PSMC2: variants seen among roughly 807,000 people sequenced by gnomAD.
The protein encoded by PSMC2 is 26S proteasome regulatory subunit 7.
PSMC2 carries 7 observed loss-of-function variants against 53.3 expected under a neutral mutation model. That is an observed-to-expected ratio of 0.13 (90% CI 0.07 to 0.25). The LOEUF (loss-of-function observed/expected upper bound fraction) is 0.25, where lower values mean the gene tolerates loss of function less well. PSMC2 is among the 10% of genes least tolerant of loss of function. PSMC2 has a pLI of 1.00. For missense variants in PSMC2, 241 were observed against 544.0 expected (o/e 0.44, Z 5.54); for synonymous variants, 169 against 183.9 (o/e 0.92, Z 0.66).
chr7:103,361,254 C>G (rs565141685), intron 4 of PSMC2, among the ~76,000 whole-genome samples: 1 of 151,114 alleles, frequency 6.6e-6, no homozygotes, highest in South Asian at 2.1e-4. Flanking sequence ...GAAGCTGAGG[C>G]GGGCGGATCA....
rs1024840861 is a variant in PSMC2 at position 103,354,386 on chromosome 7, G to A, written c.108+428G>A. Among the ~76,000 whole-genome samples, 10 of 57,160 alleles carry A rather than the reference G, an allele frequency of 1.7e-4. No individual in the cohort carries two copies. The East Asian group carries it at 4.9e-3, about 28-fold the overall frequency. 37.5% of individuals were successfully genotyped at this position (57,160 alleles called of 152,430 possible). On this transcript the variant is annotated intron_variant, in intron 2 of 11. Transcript: ENST00000292644. The stretch of plus-strand genomic sequence containing the variant: ...CACGATTTTTTTTTTTTTTTTTTTT[G>A]AAACGGAGTGTTGCTCTTGTCACCC...
At position 103,355,495 on chromosome 7, in the gene PSMC2, G is replaced by A. The variant is rs1277688902; in HGVS notation, c.191-199G>A. Among the ~76,000 whole-genome samples, 3 of 131,024 alleles carry A rather than the reference G, an allele frequency of 2.3e-5. No homozygotes were observed. In the Admixed American group the frequency reaches 2.5e-4, roughly 11 times the overall value. The allele number at this position is 131,024 out of a possible 152,430, so 86.0% of individuals were successfully genotyped here. A position where few individuals can be genotyped will look rare whatever the true frequency, so the allele number is the denominator to read the frequency against. On this transcript the variant is annotated intron_variant, in intron 3 of 11. Transcript: ENST00000292644. Reference sequence around the variant, plus strand: ...GCAATGTCTGGAGACATCCTTGATTGTCATGACTTTGAGAGAGGGTGGTGC... The same window carrying A: ...GCAATGTCTGGAGACATCCTTGATTATCATGACTTTGAGAGAGGGTGGTGC...
chr7:103,352,920 A>G, intron 1 of PSMC2: 1 of 780,960 alleles, frequency 1.3e-6, no homozygotes, highest in Non-Finnish European at 2.4e-6. Context: ...TCATCTCTGT[A>G]TGAAAGCTGA....
chr7:103,361,336 TAAAA>T (rs1170508055), intron 4 of PSMC2, among the ~76,000 whole-genome samples: 2 of 120,826 alleles, frequency 1.7e-5, no homozygotes, highest in African/African-American at 3.1e-5. Flanking sequence ...CCCTCTCTAC[TAAAA>T]AAAAAAAAAA....
chr7:103,353,909 CTCTT>C lies in PSMC2; in HGVS notation c.71-11_71-8del, dbSNP rs1819875630. On this transcript the variant is annotated splice_polypyrimidine_tract_variant and splice_region_variant and intron_variant, in intron 1 of 11. Transcript: ENST00000292644. ...TCTTTTTGAATCTCACGTATTGTCT[CTCTT>C]CTTTCAGCTCTGGATGAGGGGGATA... The C allele has an allele frequency of 6.2e-7, 1 of 1,601,476 alleles. No individual in the cohort carries two copies. The highest frequency in any genetic ancestry group is 1.3e-5 in the African/African-American group (1 of 74,372).
rs755796502 is a variant in PSMC2 at position 103,361,983 on chromosome 7, C to T, written c.317C>T (p.Ser106Leu). The T allele has an allele frequency of 5.6e-6, 9 of 1,613,078 alleles. No individual in the cohort carries two copies. The highest frequency in any genetic ancestry group is 3.3e-5 in the South Asian group (3 of 90,944). The change falls in exon 5 of 12, where the codon TCG (serine) becomes TTG (leucine). Residue 106 changes from serine to leucine, a missense_variant. By Grantham distance (145) the Ser-to-Leu change is moderately radical. Around this residue, in one of 6 missense-constraint regions of PSMC2, gnomAD observed 75 missense variants for 185.1 expected, o/e 0.41. Coordinates refer to ENST00000292644, the MANE Select transcript of PSMC2 (RefSeq NM_002803.4). ...ARCTKIINAD[S>L]EDPKYIINVK... ...TGTACAAAGATAATCAATGCTGATT[C>T]GGAGGACCCAAAATACATTATCAAC... is the stretch of plus-strand genomic sequence containing the variant.
At chr7:103,355,561 C>A in intron 3 of PSMC2, 133 bp from the exon 4 acceptor site, 1 of 610,940 alleles carries the variant, frequency 1.6e-6, no homozygotes, top group Non-Finnish European at 2.9e-6. Context: ...TGCTACTAAA[C>A]AGTCTATAAT....
intron 1 of PSMC2, 46 bp downstream of exon 1, chr7:103,347,827 C>T: frequency 6.2e-7 from 1 of 1,605,296 alleles, no homozygotes. Context: ...GGGACTGGAG[C>T]GGAGCTGCCT....
chr7:103,347,575 G>A (rs1819629489), upstream of PSMC2: 5 of 936,022 alleles, frequency 5.3e-6, no homozygotes, highest in South Asian at 1.4e-5. Flanking sequence ...GGCTCTGTCC[G>A]GACTCTGAAG....
upstream of PSMC2, chr7:103,347,613 C>A (rs528176852): frequency 6.3e-6 from 9 of 1,425,838 alleles, no homozygotes; most frequent in East Asian, 2.1e-4. Context: ...TGTCTGAGCC[C>A]AATTTACTTC....
Position 103,367,606 on chromosome 7 carries a change from C to T in PSMC2, c.1038C>T (p.Pro346=), listed in dbSNP as rs752124743. 8 of 1,613,856 alleles carry T rather than the reference C, an allele frequency of 5.0e-6. No individual in the cohort carries two copies. The East Asian group carries it at 8.9e-5, about 18-fold the overall frequency. ...RLDRKIEFSL[P]DLEGRTHIFK... ...ATAGAAAAATTGAATTTAGCTTGCC[C>T]GATCTAGAGGTAAGAAAACCATTTC... Residue 346 remains proline (P), a synonymous_variant, in exon 10 of 12, where the codon CCC becomes CCT. Coordinates refer to ENST00000292644, the MANE Select transcript of PSMC2 (RefSeq NM_002803.4). The surrounding 1 kb of genome is among the most constrained non-coding windows in gnomAD (Gnocchi z 6.1).
upstream of PSMC2, chr7:103,347,571 G>C: frequency 1.1e-6 from 1 of 903,840 alleles, no homozygotes; most frequent in Admixed American, 2.0e-5. Flanking sequence ...CCAGGGCTCT[G>C]TCCGGACTCT....
At position 103,354,846 on chromosome 7, in the gene PSMC2, T is replaced by G. The variant is rs558595820; in HGVS notation, c.109-22T>G. 24 of 1,532,870 alleles carry G rather than the reference T, an allele frequency of 1.6e-5. No homozygotes were observed. In the South Asian group the frequency reaches 2.2e-4, roughly 14 times the overall value. 95.0% of individuals were successfully genotyped at this position (1,532,870 alleles called of 1,614,324 possible). A position where few individuals can be genotyped will look rare whatever the true frequency, so the allele number is the denominator to read the frequency against. ...ATGGTTGATATCCTGATATTCTAACTAAACTGACCTTCATCACCTAGGGTC... is the reference window on the plus strand; with the variant it reads ...ATGGTTGATATCCTGATATTCTAACGAAACTGACCTTCATCACCTAGGGTC... On this transcript the variant is annotated intron_variant, in intron 2 of 11. Transcript: ENST00000292644.
chr7:103,368,912 A>G lies in PSMC2; in HGVS notation c.*858A>G, dbSNP rs1480569279. ...GTGAGGTATTTTAAAAATAAAGGTT[A>G]TATTAGAATCCTCAACATCTCTTTA... On this transcript the variant is annotated 3_prime_UTR_variant, in exon 12 of 12. Transcript: ENST00000292644. 4.2e-5 allele frequency: 3 copies of G among 71,458 alleles called. No homozygotes were observed. The highest frequency in any genetic ancestry group is 9.6e-5 in the African/African-American group (2 of 20,864). 4.4% of individuals were successfully genotyped at this position (71,458 alleles called of 1,614,324 possible).
chr7:103,359,158 T>TTA (rs1820223543), intron 4 of PSMC2, among the ~76,000 whole-genome samples: 1 of 134,114 alleles, frequency 7.5e-6, no homozygotes, highest in South Asian at 2.5e-4. Flanking sequence ...TTTTTTTTTT[T>TTA]TTTTTTTTTT....
intron 1 of PSMC2, chr7:103,353,039 A>G (rs945075689): frequency 7.8e-6 from 6 of 768,262 alleles, no homozygotes; most frequent in East Asian, 2.5e-5. Context: ...GGGGATTACA[A>G]ATAAATTTGA....
intron 8 of PSMC2, 67 bp from the exon 9 acceptor site, chr7:103,366,009 T>C: frequency 7.9e-7 from 1 of 1,272,870 alleles, no homozygotes. Context: ...GTTTGAAGCA[T>C]AACTTTTTAC....
chr7:103,353,812 A>G lies in PSMC2; in HGVS notation c.71-109A>G, dbSNP rs1819867422. The G allele has an allele frequency of 2.7e-5, 24 of 895,920 alleles. No homozygotes were observed. In the South Asian group the frequency reaches 3.2e-4, roughly 12 times the overall value. The allele number at this position is 895,920 out of a possible 1,614,324, so 55.5% of individuals were successfully genotyped here. On this transcript the variant is annotated intron_variant, in intron 1 of 11. Coordinates refer to ENST00000292644, the MANE Select transcript of PSMC2 (RefSeq NM_002803.4). The stretch of plus-strand genomic sequence containing the variant: ...ATCATAATCTTGCTTGATTTTTGAC[A>G]CTCACTTAAAACAATTTGAATCGAA...
At chr7:103,350,320 TTC>T (rs1414923647) in intron 1 of PSMC2, among the ~76,000 whole-genome samples, 2 of 152,216 alleles carry the variant, frequency 1.3e-5, no homozygotes, top group African/African-American at 4.8e-5. Flanking sequence ...GTCTAATAAA[TTC>T]TGTGAAACTG....
Sources: gnomAD v4.1 joint callset for allele counts (sites outside exome capture counted in the v4.1 genomes callset) on GRCh38, gnomAD v4.1.1 for gene constraint, gnomAD v4.1.1 regional missense constraint, Gnocchi (gnomAD v3.1) non-coding constraint, MANE v1.5 for transcripts, NCBI Gene and HGNC (gene_info 2026-07-23, HGNC 2026-07-21) for gene names.